Variants in ST6GALNAC5 observed in about 807,000 individuals in gnomAD.
The protein encoded by ST6GALNAC5 is alpha-N-acetylgalactosaminide alpha-2,6-sialyltransferase 5.
ST6GALNAC5 carries 27 observed loss-of-function variants against 33.6 expected under a neutral mutation model. The observed-to-expected ratio is 0.80, with a 90% CI of 0.59 to 1.11. The LOEUF is 1.11. ST6GALNAC5 is among the 50% of genes least tolerant of loss of function. The pLI is 0.00. For missense variants in ST6GALNAC5, 428 were observed against 454.0 expected (o/e 0.94, Z 0.52); for synonymous variants, 194 against 171.2 (o/e 1.13, Z -1.04).
At chr1:77,053,238 A>G (rs1400485118) in intron 4 of ST6GALNAC5, among the ~76,000 whole-genome samples, 4 of 152,224 alleles carry the variant, frequency 2.6e-5, no homozygotes, top group African/African-American at 9.6e-5. Flanking sequence ...TGGTACATGT[A>G]TCATGAGCTC....
chr1:76,930,183 C>T (rs1647126062), intron 2 of ST6GALNAC5, among the ~76,000 whole-genome samples: 1 of 152,090 alleles, frequency 6.6e-6, no homozygotes, highest in Non-Finnish European at 1.5e-5. Flanking sequence ...CTAAATCTGT[C>T]TTTCATTCTT....
chr1:76,884,483 T>TA (rs1557709188), intron 2 of ST6GALNAC5, among the ~76,000 whole-genome samples: 2 of 152,072 alleles, frequency 1.3e-5, no homozygotes, highest in Non-Finnish European at 2.9e-5. Context: ...GGGTGTAGAA[T>TA]AAGTGTGCTG....
At position 76,971,742 on chromosome 1, in the gene ST6GALNAC5, T is replaced by C. The variant is rs982480080; in HGVS notation, c.262-72462T>C. Among the ~76,000 whole-genome samples the C allele has an allele frequency of 6.6e-5, 10 of 152,246 alleles. No homozygotes were observed. In the South Asian group the frequency reaches 1.4e-3, roughly 22 times the overall value. The stretch of plus-strand genomic sequence containing the variant: ...GCCTGTTTTGTATTGAATACCGTAC[T>C]GAAAGTGAAAAAAAGGATAGTTCTA... On this transcript the variant is annotated intron_variant, in intron 2 of 4. Transcript: ENST00000477717.
At chr1:76,945,709 T>G (rs1483877575) in intron 2 of ST6GALNAC5, among the ~76,000 whole-genome samples, 1 of 152,120 alleles carries the variant, frequency 6.6e-6, no homozygotes, top group East Asian at 1.9e-4. Flanking sequence ...AAGAACTAAT[T>G]AGCAAGTTTC....
At chr1:76,974,170 T>G (rs1419031071) in intron 2 of ST6GALNAC5, among the ~76,000 whole-genome samples, 2 of 151,816 alleles carry the variant, frequency 1.3e-5, no homozygotes, top group Non-Finnish European at 2.9e-5. Context: ...AAATGTAGTA[T>G]GTCTTTTCAT....
intron 4 of ST6GALNAC5, among the ~76,000 whole-genome samples, chr1:77,053,138 C>G (rs1652283652): frequency 6.6e-6 from 1 of 152,104 alleles, no homozygotes; most frequent in Non-Finnish European, 1.5e-5. Context: ...AATGAAAAAG[C>G]AACTGGTAGG....
chr1:76,903,349 C>T (rs1441611170), intron 2 of ST6GALNAC5, among the ~76,000 whole-genome samples: 1 of 151,994 alleles, frequency 6.6e-6, no homozygotes, highest in East Asian at 1.9e-4. Flanking sequence ...CTCTTCACAC[C>T]CCGTAGGATG....
chr1:77,017,627 G>T (rs1005025199), intron 2 of ST6GALNAC5, among the ~76,000 whole-genome samples: 1 of 152,320 alleles, frequency 6.6e-6, no homozygotes, highest in East Asian at 1.9e-4. Flanking sequence ...TCCTCATTTT[G>T]AAATGTTGCA....
intron 2 of ST6GALNAC5, among the ~76,000 whole-genome samples, chr1:77,016,171 CCTGTCCTCCCCCTCCTCCTCCTG>C (rs1557762278): frequency 6.4e-3 from 3 of 470 alleles, no homozygotes; most frequent in Admixed American, 0.018. Flanking sequence ...TCCTCCTCCT[CCTGTCCTCCCCCTCCTCCTCCTG>C]TATCTCCTCC....
At chr1:77,004,052 G>T (rs1650285033) in intron 2 of ST6GALNAC5, among the ~76,000 whole-genome samples, 1 of 136,532 alleles carries the variant, frequency 7.3e-6, no homozygotes, top group African/African-American at 2.7e-5. Flanking sequence ...TTGCTAGATT[G>T]GGGAAGTTCT....
At position 76,934,684 on chromosome 1, in the gene ST6GALNAC5, G is replaced by A. The variant is rs375488090; in HGVS notation, c.261+65942G>A. Among the ~76,000 whole-genome samples, 7 of 152,096 alleles carry A rather than the reference G, an allele frequency of 4.6e-5. No individual in the cohort carries two copies. In the East Asian group the frequency reaches 1.2e-3, roughly 25 times the overall value. On this transcript the variant is annotated intron_variant, in intron 2 of 4. Coordinates refer to ENST00000477717, the MANE Select transcript of ST6GALNAC5 (RefSeq NM_030965.3). ...TAAGGCCTGCATGCTAAAACCTGCCGATGTGAGAAGTAGTGAAAGCCCAGG... is the reference window on the plus strand; with the variant it reads ...TAAGGCCTGCATGCTAAAACCTGCCAATGTGAGAAGTAGTGAAAGCCCAGG...
intron 2 of ST6GALNAC5, among the ~76,000 whole-genome samples, chr1:76,892,338 G>T (rs2100250690): frequency 6.6e-6 from 1 of 152,296 alleles, no homozygotes. Context: ...AACACCTTAA[G>T]ATAGATCTTA....
At chr1:76,904,057 C>A (rs2100269600) in intron 2 of ST6GALNAC5, among the ~76,000 whole-genome samples, 1 of 152,296 alleles carries the variant, frequency 6.6e-6, no homozygotes, top group Admixed American at 6.5e-5. Context: ...TGAATTTTAT[C>A]TAAATTGTGA....
In ST6GALNAC5 at chr1:77,064,487, C is replaced by T. The variant is rs1192673205; in HGVS notation, c.*1281C>T. ...CTGGCTACAATAGCAAACAGCTGCC[C>T]TTCTGTGAGGAAAAGAGACTACAAG... On this transcript the variant is annotated 3_prime_UTR_variant, in exon 5 of 5. Transcript: ENST00000477717. 6.6e-6 allele frequency: 1 copy of T among 152,068 alleles called. No homozygotes were observed. The highest frequency in any genetic ancestry group is 1.5e-5 in the Non-Finnish European group (1 of 68,084). 9.4% of individuals were successfully genotyped at this position (152,068 alleles called of 1,614,324 possible).
intron 2 of ST6GALNAC5, among the ~76,000 whole-genome samples, chr1:76,983,760 A>C (rs1320575334): frequency 6.6e-6 from 1 of 152,238 alleles, no homozygotes; most frequent in Non-Finnish European, 1.5e-5. Context: ...CATAGTTGGA[A>C]GTAAAGCACT....
chr1:77,050,333 T>C lies in ST6GALNAC5; in HGVS notation c.747T>C (p.Asn249=). The C allele has an allele frequency of 6.2e-7, 1 of 1,614,106 alleles. No individual in the cohort carries two copies. The highest frequency in any genetic ancestry group is 8.5e-7 in the Non-Finnish European group (1 of 1,179,944). Residue 249 remains asparagine (N), a synonymous_variant, in exon 4 of 5, where the codon AAT becomes AAC. Coordinates refer to ENST00000477717, the MANE Select transcript of ST6GALNAC5 (RefSeq NM_030965.3). ...CACTGGAGCTCTGTGACAGGATCAA[T>C]GTTTATGGCATGGTGCCCCCAGACT... is the stretch of plus-strand genomic sequence containing the variant. ...TIALELCDRI[N]VYGMVPPDFC...
At chr1:76,895,259 A>G (rs1175777196) in intron 2 of ST6GALNAC5, among the ~76,000 whole-genome samples, 1 of 151,458 alleles carries the variant, frequency 6.6e-6, no homozygotes, top group African/African-American at 2.4e-5. Flanking sequence ...ATAAAATGAA[A>G]TAGTGGTAAA....
At chr1:76,915,971 T>A (rs931092540) in intron 2 of ST6GALNAC5, among the ~76,000 whole-genome samples, 6 of 151,926 alleles carry the variant, frequency 3.9e-5, no homozygotes, top group Non-Finnish European at 8.8e-5. Context: ...AAACATGTTT[T>A]CTACCAAAAT....
intron 2 of ST6GALNAC5, chr1:76,871,476 C>T (rs1349029218): frequency 6.6e-6 from 1 of 152,212 alleles, no homozygotes; most frequent in Admixed American, 6.5e-5. Flanking sequence ...AGCTCAGTTA[C>T]ATGATGTTGT....
Sources: gnomAD v4.1 joint callset for allele counts (sites outside exome capture counted in the v4.1 genomes callset) on GRCh38, gnomAD v4.1.1 for gene constraint, MANE v1.5 for transcripts, NCBI Gene and HGNC (gene_info 2026-07-23, HGNC 2026-07-21) for gene names.